Variants in TMPRSS15 observed in about 807,000 individuals in gnomAD.
TMPRSS15 encodes the protein enteropeptidase.
Under a neutral mutation model 125.3 loss-of-function variants are expected in TMPRSS15, and 128 were observed. The observed-to-expected ratio is 1.02, with a 90% CI of 0.89 to 1.18. The LOEUF (loss-of-function observed/expected upper bound fraction) is 1.18, where lower values mean the gene tolerates loss of function less well. TMPRSS15 is among the 50% of genes most tolerant of loss of function. The pLI is 0.00. For missense variants in TMPRSS15, 1,283 were observed against 1,212.7 expected (o/e 1.06, Z -0.86); for synonymous variants, 446 against 423.2 (o/e 1.05, Z -0.66).
chr21:18,453,442 A>G (rs1457997305), intron 1 of TMPRSS15, among the ~76,000 whole-genome samples: 2 of 152,206 alleles, frequency 1.3e-5, no homozygotes, highest in Non-Finnish European at 2.9e-5. Context: ...ATACAGAAAC[A>G]TATTTATTTT....
chr21:18,334,209 G>A (rs1333959026), intron 13 of TMPRSS15, among the ~76,000 whole-genome samples: 1 of 152,124 alleles, frequency 6.6e-6, no homozygotes, highest in African/African-American at 2.4e-5. Flanking sequence ...TTAGATTTGG[G>A]TTTCATGATG....
At chr21:18,471,121 CA>C (rs1889444719) in intron 1 of TMPRSS15, among the ~76,000 whole-genome samples, 1 of 151,804 alleles carries the variant, frequency 6.6e-6, no homozygotes, top group South Asian at 2.1e-4. Flanking sequence ...TTTTTCTTGC[CA>C]AAGGCAGAAA....
chr21:18,283,921 T>A (rs931298561), intron 21 of TMPRSS15, among the ~76,000 whole-genome samples: 3 of 152,188 alleles, frequency 2.0e-5, no homozygotes, highest in Non-Finnish European at 4.4e-5. Flanking sequence ...CCTTTCATTA[T>A]TTTAAGGACT....
At chr21:18,356,553 A>G (rs1249346634) in intron 8 of TMPRSS15, among the ~76,000 whole-genome samples, 1 of 151,738 alleles carries the variant, frequency 6.6e-6, no homozygotes, top group African/African-American at 2.4e-5. Flanking sequence ...CAAAGAAGGA[A>G]TCTTTAATTT....
intron 6 of TMPRSS15, among the ~76,000 whole-genome samples, chr21:18,365,566 C>T: frequency 1.2e-5 from 1 of 86,700 alleles, no homozygotes; most frequent in South Asian, 4.5e-4. Flanking sequence ...CTCTTTCTTT[C>T]TCTCTCTTTC....
intron 1 of TMPRSS15, among the ~76,000 whole-genome samples, chr21:18,473,123 A>G (rs954421823): frequency 6.6e-6 from 1 of 152,074 alleles, no homozygotes; most frequent in Non-Finnish European, 1.5e-5. Flanking sequence ...CCCTTATCTA[A>G]AGCTGAGTTC....
chr21:18,276,375 G>A (rs1160551721), intron 23 of TMPRSS15, among the ~76,000 whole-genome samples: 1 of 152,138 alleles, frequency 6.6e-6, no homozygotes, highest in African/African-American at 2.4e-5. Context: ...TACCAGCATG[G>A]CAGTGAACAT....
intron 21 of TMPRSS15, 25 bp from the exon 22 acceptor site, chr21:18,281,246 G>A: frequency 6.2e-7 from 1 of 1,602,024 alleles, no homozygotes; most frequent in Non-Finnish European, 8.5e-7. Flanking sequence ...GAAGAAATAT[G>A]AGACACTCTC....
At chr21:18,280,619 C>A (rs1321327061) in intron 22 of TMPRSS15, among the ~76,000 whole-genome samples, 1 of 144,092 alleles carries the variant, frequency 6.9e-6, no homozygotes, top group Non-Finnish European at 1.5e-5. Flanking sequence ...AAAAACCAAA[C>A]TTCCTTCTAT....
chr21:18,281,369 A>C, intron 21 of TMPRSS15, 148 bp from the exon 22 acceptor site: 1 of 764,332 alleles, frequency 1.3e-6, no homozygotes, highest in Non-Finnish European at 2.2e-6. Context: ...AATATTCTCA[A>C]ATCTTTATTT....
intron 1 of TMPRSS15, among the ~76,000 whole-genome samples, chr21:18,411,679 A>C (rs1233887731): frequency 6.6e-6 from 1 of 152,280 alleles, no homozygotes; most frequent in African/African-American, 2.4e-5. Flanking sequence ...TTGCTAATGC[A>C]AATTCTTGCT....
At chr21:18,423,042 T>G (rs1254880712) in intron 1 of TMPRSS15, among the ~76,000 whole-genome samples, 1 of 152,234 alleles carries the variant, frequency 6.6e-6, no homozygotes, top group Non-Finnish European at 1.5e-5. Flanking sequence ...AGTGCCTGTG[T>G]GGAGGGTCTT....
At chr21:18,440,597 C>T (rs536743707) in intron 1 of TMPRSS15, among the ~76,000 whole-genome samples, 15 of 151,910 alleles carry the variant, frequency 9.9e-5, no homozygotes, top group East Asian at 1.9e-4. Flanking sequence ...TTATCCCATG[C>T]TATAAGTAGC....
intron 4 of TMPRSS15, among the ~76,000 whole-genome samples, chr21:18,382,892 T>C (rs1214506965): frequency 6.6e-6 from 1 of 152,182 alleles, no homozygotes; most frequent in Admixed American, 6.6e-5. Flanking sequence ...TACAATCGTA[T>C]TTTTTATTAT....
chr21:18,334,300 G>A (rs2075371273), intron 13 of TMPRSS15, among the ~76,000 whole-genome samples: 1 of 152,154 alleles, frequency 6.6e-6, no homozygotes, highest in Non-Finnish European at 1.5e-5. Flanking sequence ...AAAGAGATAG[G>A]GCATGGTCCT....
At chr21:18,319,297 C>T (rs943365808) in intron 16 of TMPRSS15, among the ~76,000 whole-genome samples, 5 of 151,292 alleles carry the variant, frequency 3.3e-5, no homozygotes, top group African/African-American at 4.9e-5. Context: ...TTTGGTGTGT[C>T]AGGAGAACAA....
At chr21:18,330,125 A>G in intron 14 of TMPRSS15, among the ~76,000 whole-genome samples, 1 of 152,098 alleles carries the variant, frequency 6.6e-6, no homozygotes, top group Admixed American at 6.6e-5. Flanking sequence ...CTATGCTTGA[A>G]ACCTCAGCAC....
At chr21:18,304,586 G>C (rs1419843995) in intron 18 of TMPRSS15, among the ~76,000 whole-genome samples, 1 of 152,090 alleles carries the variant, frequency 6.6e-6, no homozygotes, top group East Asian at 1.9e-4. Flanking sequence ...AAATGTAGGT[G>C]ATTAACCACA....
At chr21:18,319,710 T>C (rs2075214508) in intron 16 of TMPRSS15, among the ~76,000 whole-genome samples, 1 of 152,232 alleles carries the variant, frequency 6.6e-6, no homozygotes, top group African/African-American at 2.4e-5. Context: ...ATTACAGGCG[T>C]GAGCCACCGC....
Sources: allele counts gnomAD v4.1 joint callset (sites outside exome capture counted in the v4.1 genomes callset), GRCh38; gene constraint gnomAD v4.1.1; transcripts MANE v1.5; gene names NCBI Gene and HGNC (gene_info 2026-07-23, HGNC 2026-07-21).